The following PTPRT variants were observed in gnomAD, a reference collection of about 807,000 sequenced individuals.
PTPRT encodes receptor-type tyrosine-protein phosphatase T.
Under a neutral mutation model 176.8 loss-of-function variants are expected in PTPRT, and 56 were observed. The observed-to-expected ratio is 0.32, with a 90% confidence interval of 0.26 to 0.40. The LOEUF (loss-of-function observed/expected upper bound fraction) is 0.40, where lower values mean the gene tolerates loss of function less well. Ranked by LOEUF, PTPRT falls within the 10% of genes least tolerant of loss-of-function variation. PTPRT has a pLI of 1.00. For synonymous variants in PTPRT, 783 were observed against 739.0 expected (o/e 1.06, Z -0.96); for missense variants, 1,540 against 1,908.2 (o/e 0.81, Z 3.60).
chr20:42,572,543 T>C (rs1044958557), intron 7 of PTPRT, among the ~76,000 whole-genome samples: 2 of 152,110 alleles, frequency 1.3e-5, no homozygotes, highest in Non-Finnish European at 2.9e-5. Flanking sequence ...GGCCCCAACA[T>C]CTCTCCCTTG....
chr20:42,842,245 A>T (rs2078291032), intron 2 of PTPRT, among the ~76,000 whole-genome samples: 1 of 152,130 alleles, frequency 6.6e-6, no homozygotes, highest in Admixed American at 6.5e-5. Flanking sequence ...CACTGCGAAC[A>T]TCCCCAAAGC....
intron 1 of PTPRT, among the ~76,000 whole-genome samples, chr20:42,976,418 T>A (rs1295311607): frequency 1.3e-5 from 2 of 152,022 alleles, no homozygotes; most frequent in South Asian, 2.1e-4. Flanking sequence ...TTTTTTTTTT[T>A]TTATTGAGAC....
At chr20:43,135,250 G>T in intron 1 of PTPRT, among the ~76,000 whole-genome samples, 1 of 152,302 alleles carries the variant, frequency 6.6e-6, no homozygotes, top group East Asian at 1.9e-4. Context: ...CCTGGGTGTC[G>T]TTAGTCTATT....
chr20:43,189,757 C>A lies in PTPRT; in HGVS notation c.-24G>T, dbSNP rs1323192733. The A allele has an allele frequency of 4.3e-6, 5 of 1,168,018 alleles. No homozygotes were observed. The highest frequency in any genetic ancestry group is 5.3e-6 in the Non-Finnish European group (5 of 947,612). 72.4% of individuals were successfully genotyped at this position (1,168,018 alleles called of 1,614,324 possible). Reference sequence around the variant, plus strand: ...ATCCGGGCGGCGGCGGGCAGCTCAGCCCCTTCCCGCGGGGGCCGGGGCCGG... The same window carrying A: ...ATCCGGGCGGCGGCGGGCAGCTCAGACCCTTCCCGCGGGGGCCGGGGCCGG... On this transcript the variant is annotated 5_prime_UTR_variant, in exon 1 of 31. Coordinates refer to ENST00000373187, the MANE Select transcript of PTPRT (RefSeq NM_007050.6). This position sits in a 1 kb window ranked among gnomAD's most constrained non-coding sequence, Gnocchi z 5.0.
At chr20:42,517,149 A>T (rs1224992611) in intron 7 of PTPRT, among the ~76,000 whole-genome samples, 1 of 152,000 alleles carries the variant, frequency 6.6e-6, no homozygotes, top group African/African-American at 2.4e-5. Context: ...TTGCCTATTA[A>T]ATCATTTGTA....
At chr20:42,196,009 A>G (rs1008252331) in intron 16 of PTPRT, among the ~76,000 whole-genome samples, 84 of 152,354 alleles carry the variant, frequency 5.5e-4, no homozygotes, top group African/African-American at 1.7e-3. Flanking sequence ...CCTTTGAAAC[A>G]TAAGAAATCA....
intron 1 of PTPRT, among the ~76,000 whole-genome samples, chr20:42,933,920 T>C (rs1348498284): frequency 6.6e-6 from 1 of 152,190 alleles, no homozygotes; most frequent in Non-Finnish European, 1.5e-5. Flanking sequence ...ACAATCATGG[T>C]GAATCCCCTA....
intron 9 of PTPRT, among the ~76,000 whole-genome samples, chr20:42,370,532 A>G (rs1464626451): frequency 1.3e-5 from 2 of 152,176 alleles, no homozygotes; most frequent in East Asian, 1.9e-4. Context: ...GTGATTAACA[A>G]TGTAAGCCAC....
intron 1 of PTPRT, among the ~76,000 whole-genome samples, chr20:43,147,935 A>G (rs1029758576): frequency 6.6e-6 from 1 of 152,200 alleles, no homozygotes; most frequent in African/African-American, 2.4e-5. Flanking sequence ...TGACCCATCT[A>G]GATTCTTCCT....
intron 9 of PTPRT, 85 bp downstream of exon 9, chr20:42,448,135 C>A: frequency 1.9e-6 from 2 of 1,051,160 alleles, no homozygotes; most frequent in Admixed American, 1.7e-5. Flanking sequence ...TTTATACGTT[C>A]AGCAGAATGG....
At chr20:42,732,149 A>C (rs1379385837) in intron 6 of PTPRT, among the ~76,000 whole-genome samples, 1 of 85,628 alleles carries the variant, frequency 1.2e-5, no homozygotes, top group Non-Finnish European at 2.5e-5. Flanking sequence ...CGGCTATTTA[A>C]ACTTTTCTAA....
rs77576329 is a variant in PTPRT at position 42,081,933 on chromosome 20, G to C, written c.4221C>G (p.Phe1407Leu). 6.6e-5 allele frequency: 107 copies of C among 1,614,210 alleles called. No individual in the cohort carries two copies. The East Asian group carries it at 2.3e-3, about 34-fold the overall frequency. The part of the protein sequence containing the change: ...MIQQQNIIDV[F>L]HIVKTLRNNK... ...TGTTACGCAGTGTTTTCACGATGTG[G>C]AACACGTCAATGATGTTTTGCTGCT... Residue 1407 changes from phenylalanine (F) to leucine (L), a missense_variant, in exon 30 of 31, where the codon TTC becomes TTG. Coordinates refer to ENST00000373187, the MANE Select transcript of PTPRT (RefSeq NM_007050.6).
chr20:42,501,011 A>C (rs1299070563), intron 7 of PTPRT, among the ~76,000 whole-genome samples: 1 of 152,174 alleles, frequency 6.6e-6, no homozygotes, highest in Non-Finnish European at 1.5e-5. Context: ...ATCATAAAAA[A>C]GCAGCAAGGT....
intron 19 of PTPRT, among the ~76,000 whole-genome samples, chr20:42,126,624 A>G (rs1008571186): frequency 3.3e-5 from 5 of 152,156 alleles, no homozygotes; most frequent in African/African-American, 9.6e-5. Flanking sequence ...TTTCCCACCA[A>G]CTTGAAGCTT....
intron 6 of PTPRT, among the ~76,000 whole-genome samples, chr20:42,752,117 A>G (rs1001947644): frequency 6.6e-6 from 1 of 152,150 alleles, no homozygotes; most frequent in Admixed American, 6.5e-5. Flanking sequence ...CAGGCCTGAC[A>G]TGATTTCCCC....
chr20:42,209,523 A>G (rs1462951854), intron 15 of PTPRT, among the ~76,000 whole-genome samples: 1 of 152,246 alleles, frequency 6.6e-6, no homozygotes, highest in South Asian at 2.1e-4. Context: ...AAACACCTCT[A>G]CGCAAATGAA....
rs377130370 is a variant in PTPRT, at chr20:42,375,512, G to A, written c.1561-23227C>T. 1.5e-4 allele frequency among the ~76,000 whole-genome samples: 23 copies of A among 152,232 alleles called. No individual in the cohort carries two copies. In the South Asian group the frequency reaches 1.7e-3, roughly 11 times the overall value. ...CATATGAGGACATGGCATTCAAAGT[G>A]TCCTCTTGGAAGAAGGGACTAGGCC... On this transcript the variant is annotated intron_variant, in intron 9 of 30. Transcript: ENST00000373187.
chr20:43,171,568 GA>G (rs2015001558), intron 1 of PTPRT, among the ~76,000 whole-genome samples: 1 of 152,176 alleles, frequency 6.6e-6, no homozygotes, highest in South Asian at 2.1e-4. Flanking sequence ...CCAAACCAGA[GA>G]AGGGATTTGA....
chr20:42,121,354 T>C (rs1021740167), intron 19 of PTPRT, among the ~76,000 whole-genome samples: 6 of 152,182 alleles, frequency 3.9e-5, no homozygotes, highest in Admixed American at 1.3e-4. Context: ...AGGACTCCTA[T>C]GTACTTAGTG....
Sources: allele counts gnomAD v4.1 joint callset (sites outside exome capture counted in the v4.1 genomes callset), GRCh38; gene constraint gnomAD v4.1.1; non-coding constraint Gnocchi (gnomAD v3.1); transcripts MANE v1.5; gene names NCBI Gene and HGNC (gene_info 2026-07-23, HGNC 2026-07-21).